Variants in PDE4D observed in about 807,000 individuals in gnomAD.
PDE4D encodes the protein phosphodiesterase 4D, also known as 3',5'-cyclic-AMP phosphodiesterase 4D.
In PDE4D, 24 loss-of-function variants were observed where a neutral mutation model predicts 87.4. The ratio of observed to expected loss-of-function variants is 0.27; its 90% CI spans 0.20 to 0.39. PDE4D has a LOEUF of 0.39. Ranked by LOEUF, PDE4D falls within the 10% of genes least tolerant of loss-of-function variation. The pLI is 1.00. For missense variants in PDE4D, 714 were observed against 1,041.0 expected, an observed-to-expected ratio of 0.69 and a Z score of 4.32; for synonymous variants, 384 against 383.2, an observed-to-expected ratio of 1.00 and a Z score of -0.02.
At chr5:58,989,486 C>G (rs913968596) in intron 10 of PDE4D, among the ~76,000 whole-genome samples, 1 of 151,712 alleles carries the variant, frequency 6.6e-6, no homozygotes, top group African/African-American at 2.4e-5. Context: ...AGTGAGTAAG[C>G]CAGATGTGCT....
intron 1 of PDE4D, among the ~76,000 whole-genome samples, chr5:59,763,583 A>G (rs1347810215): frequency 6.6e-6 from 1 of 152,178 alleles, no homozygotes; most frequent in Admixed American, 6.5e-5. Context: ...TTAAAATTCA[A>G]TGACGAGAAA....
At chr5:60,331,675 C>G (rs1757318969) in intron 1 of PDE4D, among the ~76,000 whole-genome samples, 1 of 152,176 alleles carries the variant, frequency 6.6e-6, no homozygotes, top group African/African-American at 2.4e-5. Flanking sequence ...AATGCTCACC[C>G]TGTGGGGAAG....
At chr5:59,826,277 C>T (rs1193222308) in intron 1 of PDE4D, among the ~76,000 whole-genome samples, 5 of 152,104 alleles carry the variant, frequency 3.3e-5, no homozygotes, top group Non-Finnish European at 7.4e-5. Context: ...AAGTGAATGA[C>T]CATTCAGTCA....
intron 1 of PDE4D, among the ~76,000 whole-genome samples, chr5:59,559,578 C>T (rs1266331916): frequency 6.6e-6 from 1 of 152,186 alleles, no homozygotes; most frequent in African/African-American, 2.4e-5. Context: ...GGTTGTTCTA[C>T]ATGAAACTTC....
At chr5:59,400,598 G>A (rs564704741) in intron 1 of PDE4D, among the ~76,000 whole-genome samples, 1 of 128,670 alleles carries the variant, frequency 7.8e-6, no homozygotes, top group African/African-American at 2.9e-5. Context: ...TGGGGGGAGG[G>A]GGGAGGGATA....
At chr5:59,668,714 GA>G (rs1207293464) in intron 1 of PDE4D, among the ~76,000 whole-genome samples, 2 of 123,862 alleles carry the variant, frequency 1.6e-5, no homozygotes, top group Admixed American at 8.4e-5. Flanking sequence ...CCTGCCTCAA[GA>G]AAAAAAAGAA....
chr5:60,124,386 T>C (rs1160213937), intron 2 of PDE4D, among the ~76,000 whole-genome samples: 1 of 152,150 alleles, frequency 6.6e-6, no homozygotes, highest in African/African-American at 2.4e-5. Flanking sequence ...TTACAGATGA[T>C]TATTTCACAA....
At chr5:59,121,845 A>C (rs1774553409) in intron 5 of PDE4D, among the ~76,000 whole-genome samples, 1 of 152,176 alleles carries the variant, frequency 6.6e-6, no homozygotes, top group South Asian at 2.1e-4. Context: ...TGAATGGATA[A>C]AGAAAATGTG....
At chr5:59,155,794 G>T (rs9292193) in intron 5 of PDE4D, among the ~76,000 whole-genome samples, 4 of 151,896 alleles carry the variant, frequency 2.6e-5, no homozygotes, top group Non-Finnish European at 5.9e-5. Flanking sequence ...GAAGGGAAAC[G>T]TCATCCGCTG....
intron 2 of PDE4D, among the ~76,000 whole-genome samples, chr5:60,051,839 T>C (rs185347595): frequency 6.7e-6 from 1 of 150,310 alleles, no homozygotes; most frequent in African/African-American, 2.4e-5. Context: ...ATAGACACAA[T>C]AAAAAATGAT....
At position 59,934,830 on chromosome 5, in the gene PDE4D, G is replaced by A. The variant is rs538163687; in HGVS notation, c.272+53658C>T. 4.6e-5 allele frequency among the ~76,000 whole-genome samples: 7 copies of A among 152,272 alleles called. No individual in the cohort carries two copies. The East Asian group carries it at 1.4e-3, about 29-fold the overall frequency. On this transcript the variant is annotated intron_variant, in intron 3 of 16. Coordinates refer to the PDE4D transcript ENST00000502484. ...TGGCATGGAGGTTGGGAGTTTCCAG[G>A]CACATTCTGGAAACAGGATTCAGGC...
intron 1 of PDE4D, among the ~76,000 whole-genome samples, chr5:60,332,982 G>A (rs1246987998): frequency 6.6e-6 from 1 of 152,192 alleles, no homozygotes; most frequent in Non-Finnish European, 1.5e-5. Context: ...GCAAAGCTTG[G>A]TGCAAGCTGC....
intron 1 of PDE4D, among the ~76,000 whole-genome samples, chr5:59,844,277 C>T (rs1743497460): frequency 6.6e-6 from 1 of 152,098 alleles, no homozygotes; most frequent in Non-Finnish European, 1.5e-5. Context: ...GAATCTCTAA[C>T]TCATCCATAC....
intron 1 of PDE4D, among the ~76,000 whole-genome samples, chr5:60,436,894 A>G (rs1161489349): frequency 1.3e-5 from 2 of 152,082 alleles, no homozygotes; most frequent in African/African-American, 4.8e-5. Flanking sequence ...TTATCCCTTT[A>G]CCTAAAGGGA....
chr5:59,609,899 G>A (rs1289907535), intron 1 of PDE4D, among the ~76,000 whole-genome samples: 1 of 152,154 alleles, frequency 6.6e-6, no homozygotes, highest in East Asian at 1.9e-4. Context: ...ACAAAGAGTT[G>A]TGTGGAGAAC....
intron 1 of PDE4D, among the ~76,000 whole-genome samples, chr5:60,204,341 T>C (rs965480005): frequency 6.6e-6 from 1 of 152,220 alleles, no homozygotes; most frequent in African/African-American, 2.4e-5. Flanking sequence ...GGTTGAAACC[T>C]GTGGCTTCCC....
intron 10 of PDE4D, 54 bp from the exon 11 acceptor site, chr5:58,988,646 A>G: frequency 1.3e-6 from 1 of 751,122 alleles, no homozygotes; most frequent in Non-Finnish European, 2.0e-6. Flanking sequence ...ATATGAATTA[A>G]AAGTATAAAC....
At chr5:59,795,676 C>G (rs1469090201) in intron 1 of PDE4D, among the ~76,000 whole-genome samples, 1 of 152,124 alleles carries the variant, frequency 6.6e-6, no homozygotes, top group African/African-American at 2.4e-5. Context: ...CGGCTGGGGT[C>G]CTTAGCACGG....
At chr5:59,135,862 T>G (rs1371096092) in intron 5 of PDE4D, among the ~76,000 whole-genome samples, 1 of 152,184 alleles carries the variant, frequency 6.6e-6, no homozygotes, top group African/African-American at 2.4e-5. Flanking sequence ...CTTCACTTAT[T>G]CATGCATTCG....
Sources: gnomAD v4.1 joint callset for allele counts (sites outside exome capture counted in the v4.1 genomes callset) on GRCh38, gnomAD v4.1.1 for gene constraint, MANE v1.5 for transcripts, NCBI Gene and HGNC (gene_info 2026-07-23, HGNC 2026-07-21) for gene names.